Variants in PEX5L observed in about 807,000 individuals in gnomAD.
PEX5L encodes peroxisomal biogenesis factor 5 like, also known as PEX5-related protein.
Under a neutral mutation model 84.0 loss-of-function variants are expected in PEX5L, and 30 were observed. The observed-to-expected ratio is 0.36, with a 90% CI of 0.27 to 0.48. PEX5L has a LOEUF of 0.48. Among genes scored for constraint, PEX5L ranks in the 20% least tolerant of loss-of-function variants. PEX5L has a pLI of 0.99. For missense variants in PEX5L, 533 were observed against 754.6 expected (o/e 0.71, Z 3.44); for synonymous variants, 270 against 283.1 (o/e 0.95, Z 0.46).
chr3:180,034,626 C>T (rs1319609701), intron 1 of PEX5L, among the ~76,000 whole-genome samples: 1 of 152,014 alleles, frequency 6.6e-6, no homozygotes, highest in Admixed American at 6.6e-5. Flanking sequence ...ACTAAACGTA[C>T]CTACTAAGGC....
intron 1 of PEX5L, among the ~76,000 whole-genome samples, chr3:179,979,197 A>G (rs996619262): frequency 2.0e-5 from 3 of 152,166 alleles, no homozygotes; most frequent in Admixed American, 2.0e-4. Flanking sequence ...TTGGAGGACA[A>G]TAAGTAAATT....
At chr3:180,021,151 A>T (rs1226036854) in intron 1 of PEX5L, among the ~76,000 whole-genome samples, 1 of 152,196 alleles carries the variant, frequency 6.6e-6, no homozygotes, top group Non-Finnish European at 1.5e-5. Flanking sequence ...ATTTTGAAGG[A>T]TAAGCAAGGA....
chr3:179,899,397 A>G (rs1177387781), intron 2 of PEX5L, among the ~76,000 whole-genome samples: 4 of 152,176 alleles, frequency 2.6e-5, no homozygotes, highest in Non-Finnish European at 5.9e-5. Flanking sequence ...TGTAGCAGAC[A>G]GACCTATCAC....
At chr3:179,892,459 G>C (rs562400758) in intron 3 of PEX5L, among the ~76,000 whole-genome samples, 11 of 152,240 alleles carry the variant, frequency 7.2e-5, no homozygotes, top group African/African-American at 2.6e-4. Flanking sequence ...TTCCTTTAGA[G>C]TAGAGATCTC....
chr3:179,818,956 C>T (rs1302855382), intron 9 of PEX5L, among the ~76,000 whole-genome samples: 7 of 151,696 alleles, frequency 4.6e-5, no homozygotes, highest in African/African-American at 7.2e-5. Context: ...GATCCTCCCA[C>T]CTCAGCCTCC....
intron 1 of PEX5L, among the ~76,000 whole-genome samples, chr3:180,011,000 C>T (rs1300381519): frequency 6.6e-6 from 1 of 152,080 alleles, no homozygotes; most frequent in Non-Finnish European, 1.5e-5. Flanking sequence ...CAGGGTCTTC[C>T]ACTTATTAGC....
At chr3:179,854,242 A>G (rs1743050271) in intron 8 of PEX5L, among the ~76,000 whole-genome samples, 1 of 151,838 alleles carries the variant, frequency 6.6e-6, no homozygotes, top group Non-Finnish European at 1.5e-5. Context: ...AGCTTGAGGA[A>G]TGACAGTCTT....
chr3:180,022,215 C>T (rs1477092224), intron 1 of PEX5L, among the ~76,000 whole-genome samples: 2 of 152,114 alleles, frequency 1.3e-5, no homozygotes, highest in Non-Finnish European at 1.5e-5. Flanking sequence ...TTCCACACTC[C>T]TAAATTAATT....
chr3:180,030,678 T>C (rs1453932096), intron 1 of PEX5L, among the ~76,000 whole-genome samples: 1 of 152,172 alleles, frequency 6.6e-6, no homozygotes, highest in African/African-American at 2.4e-5. Context: ...CCTAGGTAGA[T>C]TTCTGGCATC....
At chr3:180,024,859 A>G (rs1790802794) in intron 1 of PEX5L, among the ~76,000 whole-genome samples, 1 of 152,118 alleles carries the variant, frequency 6.6e-6, no homozygotes, top group Non-Finnish European at 1.5e-5. Flanking sequence ...TGTGTGTGTT[A>G]GCATTATTAT....
At chr3:179,909,566 A>C (rs894348547) in intron 2 of PEX5L, among the ~76,000 whole-genome samples, 2 of 152,184 alleles carry the variant, frequency 1.3e-5, no homozygotes, top group African/African-American at 4.8e-5. Context: ...GATAATAACA[A>C]ACCAGTTTCT....
chr3:179,914,848 A>G (rs1384673210), intron 2 of PEX5L, among the ~76,000 whole-genome samples: 1 of 152,206 alleles, frequency 6.6e-6, no homozygotes, highest in Admixed American at 6.5e-5. Context: ...ACATTTTTAT[A>G]ATTTCTGCAA....
rs967715310 is a variant in PEX5L, at chr3:179,800,324, A to G, written c.*1504T>C. On this transcript the variant is annotated 3_prime_UTR_variant, in exon 15 of 15. Transcript: ENST00000467460. ...ATGAGCGGGATGAGCTATTATTATC[A>G]AAGAACATAAATAAAAAGTTGTTAG... 3 of 152,156 alleles carry G rather than the reference A, an allele frequency of 2.0e-5. No individual in the cohort carries two copies. The highest frequency in any genetic ancestry group is 1.3e-4 in the Admixed American group (2 of 15,268). 9.4% of individuals were successfully genotyped at this position (152,156 alleles called of 1,614,324 possible).
intron 2 of PEX5L, among the ~76,000 whole-genome samples, chr3:179,966,851 T>G (rs1783461686): frequency 6.6e-6 from 1 of 152,184 alleles, no homozygotes; most frequent in Non-Finnish European, 1.5e-5. Flanking sequence ...AAAAAGGCTG[T>G]AAGCTAAGAT....
intron 1 of PEX5L, among the ~76,000 whole-genome samples, chr3:180,004,901 T>C (rs1040298691): frequency 1.3e-5 from 2 of 152,130 alleles, no homozygotes; most frequent in African/African-American, 4.8e-5. Flanking sequence ...TAGTTAAAAA[T>C]TGAGCATCTC....
chr3:179,871,213 A>T (rs1750259479), intron 7 of PEX5L, among the ~76,000 whole-genome samples: 1 of 146,378 alleles, frequency 6.8e-6, no homozygotes, highest in Non-Finnish European at 1.5e-5. Context: ...AGCAATTTTC[A>T]TGCCTCAGCC....
At chr3:179,963,781 G>A (rs1782665590) in intron 2 of PEX5L, among the ~76,000 whole-genome samples, 1 of 152,096 alleles carries the variant, frequency 6.6e-6, no homozygotes, top group Non-Finnish European at 1.5e-5. Flanking sequence ...ACTGGGGCCA[G>A]CTCCCACCAA....
At chr3:179,924,064 T>C (rs1012668259) in intron 2 of PEX5L, among the ~76,000 whole-genome samples, 1 of 152,182 alleles carries the variant, frequency 6.6e-6, no homozygotes, top group Non-Finnish European at 1.5e-5. Flanking sequence ...TCAAGAGATA[T>C]CCTTCAGCTG....
intron 2 of PEX5L, among the ~76,000 whole-genome samples, chr3:179,910,558 A>T (rs527773089): frequency 6.6e-6 from 1 of 152,318 alleles, no homozygotes; most frequent in African/African-American, 2.4e-5. Flanking sequence ...ATAATCCTGT[A>T]CCACTGATAG....
Sources: allele counts gnomAD v4.1 joint callset (sites outside exome capture counted in the v4.1 genomes callset), GRCh38; gene constraint gnomAD v4.1.1; transcripts MANE v1.5; gene names NCBI Gene and HGNC (gene_info 2026-07-23, HGNC 2026-07-21).